KIAA1328: variants seen among roughly 807,000 people sequenced by gnomAD.
The protein encoded by KIAA1328 is protein hinderin.
A neutral mutation model predicts 68.1 loss-of-function variants in KIAA1328; 52 were observed. That is an observed-to-expected ratio of 0.76 (90% confidence interval 0.61 to 0.96). The LOEUF (loss-of-function observed/expected upper bound fraction) is 0.96. Among genes scored for constraint, KIAA1328 ranks in the 40% least tolerant of loss-of-function variants. The pLI, the probability that KIAA1328 is intolerant of heterozygous loss-of-function variation, is 0.00. For missense variants in KIAA1328, 641 were observed against 677.6 expected, an observed-to-expected ratio of 0.95 and a Z score of 0.60; for synonymous variants, 232 against 239.4, an observed-to-expected ratio of 0.97 and a Z score of 0.28.
intron 6 of KIAA1328, among the ~76,000 whole-genome samples, chr18:37,028,378 T>A (rs1368870869): frequency 6.6e-6 from 1 of 152,198 alleles, no homozygotes; most frequent in Non-Finnish European, 1.5e-5. Context: ...TATTCTATAT[T>A]GAATTTGTAT....
At chr18:36,915,475 A>C (rs1316634453) in intron 5 of KIAA1328, among the ~76,000 whole-genome samples, 1 of 152,222 alleles carries the variant, frequency 6.6e-6, no homozygotes, top group African/African-American at 2.4e-5. Context: ...GAAGTCTGAA[A>C]ACTCAACAAT....
chr18:37,194,451 A>G lies in KIAA1328; in HGVS notation c.1523+21370A>G, dbSNP rs1046377393. On this transcript the variant is annotated intron_variant, in intron 9 of 9. Coordinates refer to ENST00000280020, the MANE Select transcript of KIAA1328 (RefSeq NM_020776.3). Reference sequence around the variant, plus strand: ...TTTTATTTATAGGTGCTTGTTACATATGAAGAAAGTAATCCTTTTTGTAAT... The same window carrying G: ...TTTTATTTATAGGTGCTTGTTACATGTGAAGAAAGTAATCCTTTTTGTAAT... 2.6e-5 allele frequency among the ~76,000 whole-genome samples: 4 copies of G among 152,170 alleles called. No individual in the cohort carries two copies. The East Asian group carries it at 5.8e-4, about 22-fold the overall frequency.
At chr18:37,003,570 G>C (rs1218921064) in intron 6 of KIAA1328, among the ~76,000 whole-genome samples, 2 of 152,074 alleles carry the variant, frequency 1.3e-5, no homozygotes, top group Admixed American at 6.6e-5. Flanking sequence ...TCCTTTTGCT[G>C]TGCAGAAGCT....
intron 7 of KIAA1328, among the ~76,000 whole-genome samples, chr18:37,157,237 T>C (rs966703194): frequency 6.6e-6 from 1 of 152,112 alleles, no homozygotes; most frequent in Non-Finnish European, 1.5e-5. Context: ...GAGATGGTAA[T>C]GGAAGGGACA....
chr18:36,880,301 G>A (rs1037781741), intron 4 of KIAA1328, among the ~76,000 whole-genome samples: 24 of 152,118 alleles, frequency 1.6e-4, no homozygotes, highest in African/African-American at 4.3e-4. Flanking sequence ...AATGCCTTGC[G>A]CTTCCGGGGT....
At chr18:36,856,662 G>C (rs1290025797) in intron 4 of KIAA1328, among the ~76,000 whole-genome samples, 8 of 152,090 alleles carry the variant, frequency 5.3e-5, no homozygotes, top group Non-Finnish European at 1.0e-4. Flanking sequence ...AATCCAATAT[G>C]TAAGCTATCT....
intron 7 of KIAA1328, among the ~76,000 whole-genome samples, chr18:37,096,723 T>A (rs2057420562): frequency 6.6e-6 from 1 of 152,216 alleles, no homozygotes; most frequent in Non-Finnish European, 1.5e-5. Flanking sequence ...TTCCACATCC[T>A]CTCCAGCACC....
At chr18:36,950,040 T>C (rs572008173) in intron 5 of KIAA1328, among the ~76,000 whole-genome samples, 10 of 152,220 alleles carry the variant, frequency 6.6e-5, no homozygotes, top group Non-Finnish European at 1.5e-4. Flanking sequence ...CCACTTGATC[T>C]TGGAATCACT....
At chr18:37,088,560 T>C (rs2057173492) in intron 7 of KIAA1328, among the ~76,000 whole-genome samples, 1 of 152,002 alleles carries the variant, frequency 6.6e-6, no homozygotes, top group African/African-American at 2.4e-5. Flanking sequence ...TTCATACGTA[T>C]TTTTTAATTT....
chr18:36,840,011 A>G (rs2046807052), intron 3 of KIAA1328, among the ~76,000 whole-genome samples: 1 of 152,172 alleles, frequency 6.6e-6, no homozygotes, highest in African/African-American at 2.4e-5. Context: ...ATGCAGCTCT[A>G]TCCTTGGCAT....
rs181463109 is a variant in KIAA1328, at chr18:36,891,517, G to A, written c.448+5845G>A. Among the ~76,000 whole-genome samples the A allele has an allele frequency of 1.1e-3, 171 of 152,222 alleles. 3 individuals are homozygous for A. Among genetic ancestry groups the A allele is most frequent in the African/African-American group, 4.0e-3 (166 of 41,542 alleles). ...GTTATATCATTCTTATGCCTTTGCA[G>A]CCTCATAACTTAGCTCTCACTTATG... On this transcript the variant is annotated intron_variant, in intron 5 of 9. Transcript: ENST00000280020.
At chr18:37,200,193 T>C (rs1034654842) in intron 9 of KIAA1328, among the ~76,000 whole-genome samples, 1 of 152,200 alleles carries the variant, frequency 6.6e-6, no homozygotes, top group Non-Finnish European at 1.5e-5. Flanking sequence ...AGGACACACC[T>C]CCAAGTTGCC....
intron 9 of KIAA1328, among the ~76,000 whole-genome samples, chr18:37,180,847 G>C (rs1349437478): frequency 6.6e-6 from 1 of 152,076 alleles, no homozygotes; most frequent in Non-Finnish European, 1.5e-5. Context: ...GTATATAATA[G>C]AGCATATGAG....
chr18:37,141,233 C>G (rs1452546100), intron 7 of KIAA1328, among the ~76,000 whole-genome samples: 1 of 152,128 alleles, frequency 6.6e-6, no homozygotes, highest in Admixed American at 6.5e-5. Flanking sequence ...GCACCTTATA[C>G]CACTTTTTGA....
intron 1 of KIAA1328, among the ~76,000 whole-genome samples, chr18:36,831,066 G>T (rs1421600485): frequency 6.6e-6 from 1 of 152,142 alleles, no homozygotes; most frequent in Non-Finnish European, 1.5e-5. Flanking sequence ...ACATGTCTTT[G>T]CATCTTGATT....
chr18:36,866,470 A>T (rs953893843), intron 4 of KIAA1328, among the ~76,000 whole-genome samples: 6 of 151,962 alleles, frequency 3.9e-5, no homozygotes, highest in African/African-American at 1.2e-4. Flanking sequence ...AAATAAATTT[A>T]AAAAAAAGGA....
intron 6 of KIAA1328, among the ~76,000 whole-genome samples, chr18:36,976,286 T>C (rs1008027731): frequency 3.3e-5 from 5 of 152,198 alleles, no homozygotes; most frequent in African/African-American, 1.2e-4. Context: ...CTATAATGAA[T>C]ATGTTGACTA....
intron 5 of KIAA1328, among the ~76,000 whole-genome samples, chr18:36,943,122 T>C (rs1216764934): frequency 6.6e-6 from 1 of 152,200 alleles, no homozygotes; most frequent in Non-Finnish European, 1.5e-5. Flanking sequence ...GCCTTCCTTG[T>C]TTGTTTGGGG....
At chr18:36,984,337 A>C (rs570130973) in intron 6 of KIAA1328, among the ~76,000 whole-genome samples, 1 of 152,232 alleles carries the variant, frequency 6.6e-6, no homozygotes, top group African/African-American at 2.4e-5. Context: ...TATAAATAGC[A>C]TGACCATCTA....
Sources: gnomAD v4.1 joint callset for allele counts (sites outside exome capture counted in the v4.1 genomes callset) on GRCh38, gnomAD v4.1.1 for gene constraint, MANE v1.5 for transcripts, NCBI Gene and HGNC (gene_info 2026-07-23, HGNC 2026-07-21) for gene names.